The following ADGRV1 variants were observed in gnomAD, a reference collection of about 807,000 sequenced individuals.
ADGRV1 encodes G-protein coupled receptor 98.
A neutral mutation model predicts 596.2 loss-of-function variants in ADGRV1; 359 were observed. The observed-to-expected ratio is 0.60, with a 90% CI of 0.55 to 0.66. ADGRV1 has a LOEUF of 0.66. ADGRV1 is among the 30% of genes least tolerant of loss of function. The pLI, the probability that ADGRV1 is intolerant of heterozygous loss-of-function variation, is 0.00. For missense variants in ADGRV1, 7,274 were observed against 7,575.6 expected, an observed-to-expected ratio of 0.96 and a Z score of 1.48; for synonymous variants, 2,681 against 2,679.2, an observed-to-expected ratio of 1.00 and a Z score of -0.02.
At chr5:90,763,718 A>G (rs1465022756) in intron 59 of ADGRV1, among the ~76,000 whole-genome samples, 1 of 152,054 alleles carries the variant, frequency 6.6e-6, no homozygotes, top group Non-Finnish European at 1.5e-5. Flanking sequence ...TGTTGTTTCC[A>G]TCTTTATGTC....
chr5:90,705,776 A>G (rs1244845416), intron 37 of ADGRV1, among the ~76,000 whole-genome samples, 197 bp downstream of exon 37: 2 of 152,256 alleles, frequency 1.3e-5, no homozygotes, highest in Non-Finnish European at 2.9e-5. Flanking sequence ...ATGCTGTGTA[A>G]TTAACAAACA....
chr5:90,875,443 G>A (rs532624841), intron 83 of ADGRV1, among the ~76,000 whole-genome samples: 12 of 152,162 alleles, frequency 7.9e-5, no homozygotes, highest in African/African-American at 2.2e-4. Context: ...ACTTCTCTTC[G>A]TGTTAAAACA....
chr5:91,017,880 T>A (rs1189881279), intron 85 of ADGRV1, among the ~76,000 whole-genome samples: 1 of 151,928 alleles, frequency 6.6e-6, no homozygotes, highest in Non-Finnish European at 1.5e-5. Context: ...TTGAAAGCTA[T>A]GGACCTAGAA....
intron 70 of ADGRV1, among the ~76,000 whole-genome samples, chr5:90,801,409 C>G (rs1761358298): frequency 6.6e-6 from 1 of 151,990 alleles, no homozygotes; most frequent in African/African-American, 2.4e-5. Flanking sequence ...GCTATTCACT[C>G]TTAGGAAAAT....
In ADGRV1 at chr5:90,791,221, G is replaced by A. The variant is rs752418847; in HGVS notation, c.14392G>A (p.Ala4798Thr). 6.2e-7 allele frequency: 1 copy of A among 1,613,714 alleles called. No individual in the cohort carries two copies. The highest frequency in any genetic ancestry group is 8.5e-7 in the Non-Finnish European group (1 of 1,179,824). Residue 4798 changes from alanine (A) to threonine (T), a missense_variant, in exon 70 of 90, where the codon GCT becomes ACT. Ala to Thr is a moderately conservative substitution (Grantham distance 58). Coordinates refer to ENST00000405460, the MANE Select transcript of ADGRV1 (RefSeq NM_032119.4). ...GCTTGCTGGAACATTTGGAGATGTGGCTGTTGGGCTTCGAATATCATCGGA... is the reference window on the plus strand; with the variant it reads ...GCTTGCTGGAACATTTGGAGATGTGACTGTTGGGCTTCGAATATCATCGGA... Reference protein sequence around the residue: ...TRLAGTFGDVAVGLRISSDHK... With the variant: ...TRLAGTFGDVTVGLRISSDHK...
At chr5:91,016,211 C>A (rs1783158493) in intron 85 of ADGRV1, among the ~76,000 whole-genome samples, 1 of 151,898 alleles carries the variant, frequency 6.6e-6, no homozygotes, top group South Asian at 2.1e-4. Context: ...TTGGACCATG[C>A]CATGCCTTAA....
chr5:90,569,990 C>A (rs257855), intron 1 of ADGRV1, among the ~76,000 whole-genome samples: 25,419 of 151,910 alleles, frequency 0.17, 2,369 homozygotes, highest in East Asian at 0.33. Context: ...AATAAAAGTA[C>A]ATTTATGCCA....
At chr5:90,713,477 G>T (rs750054276) in intron 42 of ADGRV1, among the ~76,000 whole-genome samples, 1 of 151,936 alleles carries the variant, frequency 6.6e-6, no homozygotes, top group Non-Finnish European at 1.5e-5. Flanking sequence ...GTTGAGAATA[G>T]TCTATGTACA....
chr5:90,877,299 A>G (rs1422710072), intron 83 of ADGRV1, among the ~76,000 whole-genome samples: 1 of 152,202 alleles, frequency 6.6e-6, no homozygotes, highest in Non-Finnish European at 1.5e-5. Flanking sequence ...CAACTGGTTA[A>G]GAGCTGATGG....
At chr5:90,605,222 C>T (rs1761944508) in intron 1 of ADGRV1, among the ~76,000 whole-genome samples, 1 of 152,074 alleles carries the variant, frequency 6.6e-6, no homozygotes, top group South Asian at 2.1e-4. Flanking sequence ...TGAGACCATC[C>T]TGGCCAACAT....
At chr5:91,143,714 CCCA>C (rs1278040422) in intron 87 of ADGRV1, among the ~76,000 whole-genome samples, 1 of 152,140 alleles carries the variant, frequency 6.6e-6, no homozygotes, top group African/African-American at 2.4e-5. Context: ...CAGCCTGGCC[CCCA>C]GGCTTCAGGC....
In ADGRV1 at chr5:90,558,913, G is replaced by T. The variant is rs1443200866; in HGVS notation, c.18G>T (p.Gly6=). The change falls in exon 1 of 90, where the codon GGG becomes GGT. Residue 6 remains glycine (G), a synonymous_variant. Transcript: ENST00000405460. MSVFL[G]PGMPSASLLV... ...GCGCGCGGATGTCGGTGTTCCTGGG[G>T]CCAGGTAGGCTATGGCTGAGGGGTG... 5 of 1,558,284 alleles carry T rather than the reference G, an allele frequency of 3.2e-6. No individual in the cohort carries two copies. The East Asian group carries it at 9.5e-5, about 30-fold the overall frequency.
chr5:90,975,401 T>G (rs1375557506), intron 84 of ADGRV1, among the ~76,000 whole-genome samples: 1 of 152,140 alleles, frequency 6.6e-6, no homozygotes. Context: ...CACATGCACG[T>G]GTATGTTTAT....
chr5:90,810,676 A>G lies in ADGRV1; in HGVS notation c.15416A>G (p.Glu5139Gly). Residue 5139 changes from glutamate (E) to glycine (G), a missense_variant, in exon 74 of 90, where the codon GAG (glutamate) becomes GGG (glycine). Physicochemically the swap from Glu to Gly is moderately conservative, Grantham distance 98 (BLOSUM62 -2). Around this residue, in one of 5 missense-constraint regions of ADGRV1, gnomAD observed 1,874 missense variants for 1,970.2 expected, o/e 0.95. Coordinates refer to ENST00000405460, the MANE Select transcript of ADGRV1 (RefSeq NM_032119.4). Reference protein sequence around the residue: ...DLAGMDISFPETTVAVAVDTT... With the variant: ...DLAGMDISFPGTTVAVAVDTT... ...GCAGGAATGGATATTTCCTTCCCCG[A>G]GACAACTGTGGCTGTAGCAGTTGAC... 6.2e-7 allele frequency: 1 copy of G among 1,613,978 alleles called. No individual in the cohort carries two copies. Among genetic ancestry groups the G allele is most frequent in the Admixed American group, 1.7e-5 (1 of 60,024 alleles).
At chr5:90,965,286 G>A in intron 83 of ADGRV1, 129 bp from the exon 84 acceptor site, 1 of 639,200 alleles carries the variant, frequency 1.6e-6, no homozygotes, top group Admixed American at 2.2e-5. Context: ...TATCAGTTTG[G>A]GCAAGAAGTC....
chr5:90,692,156 A>G (rs1359349065), intron 31 of ADGRV1, among the ~76,000 whole-genome samples: 1 of 152,138 alleles, frequency 6.6e-6, no homozygotes, highest in Non-Finnish European at 1.5e-5. Context: ...TTTAGGTGGC[A>G]TTACAGTATG....
chr5:90,777,862 T>A, intron 61 of ADGRV1, 43 bp from the exon 62 acceptor site: 1 of 1,491,864 alleles, frequency 6.7e-7, no homozygotes, highest in East Asian at 2.4e-5. Flanking sequence ...GAAAAGTACC[T>A]TCAACTGAAA....
intron 42 of ADGRV1, 101 bp from the exon 43 acceptor site, chr5:90,716,366 G>A (rs1172499389): frequency 4.1e-6 from 3 of 730,258 alleles, no homozygotes; most frequent in African/African-American, 3.5e-5. Flanking sequence ...ATCACCTTAG[G>A]TAAAGAGTTG....
intron 10 of ADGRV1, among the ~76,000 whole-genome samples, chr5:90,635,549 T>C (rs1766078254): frequency 6.6e-6 from 1 of 152,134 alleles, no homozygotes; most frequent in Admixed American, 6.6e-5. Context: ...AGCTTTCAGA[T>C]AGTTCTATGA....
Sources: gnomAD v4.1 joint callset for allele counts (sites outside exome capture counted in the v4.1 genomes callset) on GRCh38, gnomAD v4.1.1 for gene constraint, gnomAD v4.1.1 regional missense constraint, MANE v1.5 for transcripts, NCBI Gene and HGNC (gene_info 2026-07-23, HGNC 2026-07-21) for gene names.